WFDC11: variants seen among roughly 807,000 people sequenced by gnomAD.
WFDC11 encodes protein WFDC11.
Under a neutral mutation model 9.9 loss-of-function variants are expected in WFDC11, and 9 were observed. That is an observed-to-expected ratio of 0.91 (90% confidence interval 0.55 to 1.58). WFDC11 has a LOEUF of 1.58. Among genes scored for constraint, WFDC11 ranks in the 40% most tolerant of loss-of-function variants. The pLI is 0.00. For missense variants in WFDC11, 106 were observed against 101.7 expected (o/e 1.04, Z -0.18); for synonymous variants, 32 against 33.3 (o/e 0.96, Z 0.13).
chr20:45,667,028 C>T (rs1600943865), intron 2 of WFDC11, 60 bp downstream of exon 2: 1 of 152,326 alleles, frequency 6.6e-6, no homozygotes, highest in Non-Finnish European at 1.5e-5. Context: ...CCAAGCAAGA[C>T]AAAGGTGAAA....
Position 45,655,400 on chromosome 20 carries a change from T to G in WFDC11, c.-51-4749A>C, listed in dbSNP as rs1182216271. On this transcript the variant is annotated intron_variant, in intron 2 of 4. Coordinates refer to ENST00000324384, the MANE Select transcript of WFDC11 (RefSeq NM_147197.2). ...TTCAACAACCCTTCATGCTAGAAACTCTCAATAAATTAGGTATTGATGGGA... is the reference window on the plus strand; with the variant it reads ...TTCAACAACCCTTCATGCTAGAAACGCTCAATAAATTAGGTATTGATGGGA... 2.0e-5 allele frequency among the ~76,000 whole-genome samples: 3 copies of G among 152,212 alleles called. No homozygotes were observed. In the East Asian group the frequency reaches 5.8e-4, roughly 29 times the overall value.
Position 45,648,726 on chromosome 20 carries a change from T to C in WFDC11, c.257A>G (p.Asp86Gly), listed in dbSNP as rs918594814. Residue 86 changes from aspartate (D) to glycine (G), a missense_variant, in exon 5 of 5, where the codon GAT becomes GGT. Physicochemically the swap from Asp to Gly is moderately conservative, Grantham distance 94 (BLOSUM62 -1). Coordinates refer to ENST00000324384, the MANE Select transcript of WFDC11 (RefSeq NM_147197.2). ...ICWINVETSG[D>G]Y is the part of the protein sequence containing the mutation. Reference sequence around the variant, plus strand: ...TGGTGGGAAGCTACGGTTTTAGTAATCTCCACTGGTTTCCTGTAAAACAAA... The same window carrying C: ...TGGTGGGAAGCTACGGTTTTAGTAACCTCCACTGGTTTCCTGTAAAACAAA... 3 of 1,614,038 alleles carry C rather than the reference T, an allele frequency of 1.9e-6. No homozygotes were observed. The African/African-American group carries it at 4.0e-5, about 22-fold the overall frequency.
chr20:45,651,621 G>A (rs1016641861), intron 2 of WFDC11, among the ~76,000 whole-genome samples: 3 of 152,150 alleles, frequency 2.0e-5, no homozygotes, highest in African/African-American at 7.2e-5. Context: ...CCGAGCATGA[G>A]CCAAAGCAGG....
intron 4 of WFDC11, 65 bp downstream of exon 4, chr20:45,649,192 C>T: frequency 8.8e-6 from 14 of 1,582,944 alleles, no homozygotes; most frequent in Non-Finnish European, 1.2e-5. Flanking sequence ...TTAGGAATAA[C>T]AGCCTCCGAG....
chr20:45,664,109 C>T (rs112091392), intron 2 of WFDC11, among the ~76,000 whole-genome samples: 5 of 151,974 alleles, frequency 3.3e-5, no homozygotes, highest in East Asian at 3.9e-4. Flanking sequence ...TGGGTGCTCC[C>T]GTATTGGGTG....
rs1487318 is a variant in WFDC11, at chr20:45,667,172, G to A, written c.-133-3C>T. 0.6 allele frequency: 90,469 copies of A among 152,040 alleles called. 27,929 individuals are homozygous for A. The highest frequency in any genetic ancestry group is 0.98 in the East Asian group (5,058 of 5,180). The allele number at this position is 152,040 out of a possible 1,614,324, so 9.4% of individuals were successfully genotyped here. A position where few individuals can be genotyped will look rare whatever the true frequency, so the allele number is the denominator to read the frequency against. On this transcript the variant is annotated splice_region_variant and splice_polypyrimidine_tract_variant and intron_variant, in intron 1 of 4. Coordinates refer to ENST00000324384, the MANE Select transcript of WFDC11 (RefSeq NM_147197.2). ...TGCCTCTAGGAACCATGGAGCCCCT[G>A]CACAGTGAGTAGGTGGTGAGCAAAA...
chr20:45,664,354 A>C (rs1983141532), intron 2 of WFDC11, among the ~76,000 whole-genome samples: 1 of 152,042 alleles, frequency 6.6e-6, no homozygotes, highest in South Asian at 2.1e-4. Context: ...TAGCACACTG[A>C]TGGGTCTTAA....
Position 45,649,361 on chromosome 20 carries a change from T to G in WFDC11, c.139A>C (p.Asn47His), listed in dbSNP as rs762026452. The G allele has an allele frequency of 2.5e-6, 4 of 1,614,034 alleles. No homozygotes were observed. The African/African-American group carries it at 5.3e-5, about 22-fold the overall frequency. Reference protein sequence around the residue: ...LLLEECWGKPNVKECTNKCSK... With the variant: ...LLLEECWGKPHVKECTNKCSK... ...CACTTATTGGTACATTCTTTGACAT[T>G]TGGCTTTCCCCAGCATTCTTCAAGT... Residue 47 changes from asparagine to histidine, a missense_variant, in exon 4 of 5, where the codon AAT (asparagine) becomes CAT (histidine). Asn to His is a moderately conservative substitution (Grantham distance 68). Coordinates refer to ENST00000324384, the MANE Select transcript of WFDC11 (RefSeq NM_147197.2).
chr20:45,651,893 G>A (rs1982815825), intron 2 of WFDC11, among the ~76,000 whole-genome samples: 1 of 152,180 alleles, frequency 6.6e-6, no homozygotes. Flanking sequence ...TGGGGGAGGG[G>A]CACCCTCCAT....
chr20:45,656,087 A>G (rs144045851), intron 2 of WFDC11, among the ~76,000 whole-genome samples: 92 of 152,270 alleles, frequency 6.0e-4, no homozygotes, highest in African/African-American at 1.9e-3. Context: ...AAACTACTTT[A>G]AAGTTCATAT....
chr20:45,657,989 T>C (rs1325695446), intron 2 of WFDC11, among the ~76,000 whole-genome samples: 2 of 152,208 alleles, frequency 1.3e-5, no homozygotes, highest in Non-Finnish European at 1.5e-5. Context: ...TATAGATTTT[T>C]TATAAAACAA....
intron 2 of WFDC11, among the ~76,000 whole-genome samples, chr20:45,654,721 T>C (rs1374594706): frequency 6.6e-6 from 1 of 151,928 alleles, no homozygotes; most frequent in Non-Finnish European, 1.5e-5. Flanking sequence ...AAGAATCAAA[T>C]AGATGCAATA....
At position 45,653,683 on chromosome 20, in the gene WFDC11, C is replaced by T. The variant is rs1415543909; in HGVS notation, c.-51-3032G>A. Among the ~76,000 whole-genome samples the T allele has an allele frequency of 1.2e-4, 18 of 152,192 alleles. 1 individual carries two copies. In the South Asian group the frequency reaches 3.1e-3, roughly 26 times the overall value. ...CCATCAGTGTGTTGTATTCAGGAAA[C>T]CCATCTCACATGCAGAGACACACAT... On this transcript the variant is annotated intron_variant, in intron 2 of 4. Transcript: ENST00000324384.
intron 2 of WFDC11, among the ~76,000 whole-genome samples, chr20:45,664,162 C>G (rs1462446141): frequency 6.6e-6 from 1 of 152,092 alleles, no homozygotes; most frequent in African/African-American, 2.4e-5. Flanking sequence ...TGAATTGATC[C>G]CTTTACCATT....
At position 45,650,628 on chromosome 20, in the gene WFDC11, G is replaced by A; in HGVS notation, c.-28C>T. 6.3e-7 allele frequency: 1 copy of A among 1,589,306 alleles called. No homozygotes were observed. Among genetic ancestry groups the A allele is most frequent in the Non-Finnish European group, 8.6e-7 (1 of 1,157,844 alleles). On this transcript the variant is annotated 5_prime_UTR_variant, in exon 3 of 5. Coordinates refer to ENST00000324384, the MANE Select transcript of WFDC11 (RefSeq NM_147197.2). The stretch of plus-strand genomic sequence containing the variant: ...GTGTCTGAATATGTGTTGTCAGAAG[G>A]ATTATTTTTCTTCCCAGTCGCTGCT...
At chr20:45,648,836 T>A in intron 4 of WFDC11, 97 bp from the exon 5 acceptor site, 1 of 1,280,724 alleles carries the variant, frequency 7.8e-7, no homozygotes, top group Non-Finnish European at 1.1e-6. Context: ...CACCAGACAA[T>A]GGGACAAGAA....
At chr20:45,665,290 C>A (rs1053433373) in intron 2 of WFDC11, among the ~76,000 whole-genome samples, 4 of 152,168 alleles carry the variant, frequency 2.6e-5, no homozygotes, top group African/African-American at 9.7e-5. Context: ...CTTCTCTACA[C>A]TGTTTATTCT....
intron 2 of WFDC11, among the ~76,000 whole-genome samples, chr20:45,655,765 C>T (rs532019770): frequency 1.3e-5 from 2 of 152,276 alleles, no homozygotes; most frequent in East Asian, 3.9e-4. Flanking sequence ...ATTCAAAAAT[C>T]ACAAGCATTC....
chr20:45,660,422 A>G (rs1313075435), intron 2 of WFDC11, among the ~76,000 whole-genome samples: 1 of 151,258 alleles, frequency 6.6e-6, no homozygotes, highest in Non-Finnish European at 1.5e-5. Context: ...ATTTTATTTT[A>G]TTATTATTAT....
Sources: gnomAD v4.1 joint callset for allele counts (sites outside exome capture counted in the v4.1 genomes callset) on GRCh38, gnomAD v4.1.1 for gene constraint, MANE v1.5 for transcripts, NCBI Gene and HGNC (gene_info 2026-07-23, HGNC 2026-07-21) for gene names.